KCNK2: variants seen among roughly 807,000 people sequenced by gnomAD.
KCNK2 encodes potassium channel subfamily K member 2.
Under a neutral mutation model 40.5 loss-of-function variants are expected in KCNK2, and 21 were observed. The ratio of observed to expected loss-of-function variants is 0.52; its 90% CI spans 0.37 to 0.75. The LOEUF is 0.75. Among genes scored for constraint, KCNK2 ranks in the 30% least tolerant of loss-of-function variants. The probability of loss-of-function intolerance (pLI) is 0.00; values close to 1 mark genes in which losing one functional copy is unlikely to be tolerated. For missense variants in KCNK2, 399 were observed against 531.6 expected, an observed-to-expected ratio of 0.75 and a Z score of 2.45; for synonymous variants, 191 against 202.2, an observed-to-expected ratio of 0.94 and a Z score of 0.47.
At chr1:215,175,164 G>A (rs1558125459) in intron 5 of KCNK2, among the ~76,000 whole-genome samples, 1 of 152,124 alleles carries the variant, frequency 6.6e-6, no homozygotes, top group Non-Finnish European at 1.5e-5. Flanking sequence ...TTTATTGAGA[G>A]TTTTTAGCAT....
chr1:215,038,432 A>G (rs1244152776), intron 1 of KCNK2, among the ~76,000 whole-genome samples: 1 of 152,108 alleles, frequency 6.6e-6, no homozygotes, highest in Non-Finnish European at 1.5e-5. Context: ...GTGAATGGAG[A>G]TAGTATGTTC....
rs755353413 is a variant in KCNK2, at chr1:215,234,817, G to GT, written c.964-10dup. On this transcript the variant is annotated splice_polypyrimidine_tract_variant and intron_variant, in intron 6 of 6. Transcript: ENST00000444842. ...CAATATCTTTATCTTTTCTCTGCTT[G>GT]TATGTTCCAGGTGGGAGAGTTCAGA... is the stretch of plus-strand genomic sequence containing the variant. 4 of 1,594,884 alleles carry GT rather than the reference G, an allele frequency of 2.5e-6. No homozygotes were observed. The highest frequency in any genetic ancestry group is 4.5e-5 in the East Asian group (2 of 44,410).
chr1:215,077,768 A>G (rs1658998902), upstream of KCNK2, among the ~76,000 whole-genome samples: 1 of 151,858 alleles, frequency 6.6e-6, no homozygotes, highest in South Asian at 2.1e-4. Flanking sequence ...CTTTCTTTCC[A>G]TTATGCTTTT....
chr1:215,104,050 T>G (rs1447495604), intron 2 of KCNK2, among the ~76,000 whole-genome samples: 3 of 152,046 alleles, frequency 2.0e-5, no homozygotes, highest in African/African-American at 7.2e-5. Flanking sequence ...TGACTACATC[T>G]GAAAGGCAGG....
At chr1:215,183,562 A>G (rs2102651298) in intron 5 of KCNK2, among the ~76,000 whole-genome samples, 1 of 152,204 alleles carries the variant, frequency 6.6e-6, no homozygotes, top group East Asian at 1.9e-4. Flanking sequence ...CTTTTTCGCA[A>G]TTATATTTCC....
At chr1:215,174,283 A>G (rs1262757058) in intron 5 of KCNK2, among the ~76,000 whole-genome samples, 1 of 152,102 alleles carries the variant, frequency 6.6e-6, no homozygotes, top group East Asian at 1.9e-4. Context: ...ATAGTTGTAG[A>G]TGTGTGCTAT....
chr1:215,185,688 T>C (rs1335200344), intron 5 of KCNK2, among the ~76,000 whole-genome samples: 1 of 152,198 alleles, frequency 6.6e-6, no homozygotes, highest in African/African-American at 2.4e-5. Context: ...TTTGCTATTT[T>C]GCCAGGGAAA....
At chr1:215,168,670 A>C (rs1341331956) in intron 3 of KCNK2, among the ~76,000 whole-genome samples, 1 of 152,162 alleles carries the variant, frequency 6.6e-6, no homozygotes, top group African/African-American at 2.4e-5. Context: ...ACATGGACAC[A>C]GGGAGGGGAA....
In KCNK2 at chr1:215,161,848, C is replaced by G. The variant is rs559814851; in HGVS notation, c.476-7351C>G. On this transcript the variant is annotated intron_variant, in intron 3 of 6. Transcript: ENST00000444842. ...TCATTGATGGGCATTTGGATTGGTT[C>G]CAAGTCTTTGCTATTGTGAATAGTG... Among the ~76,000 whole-genome samples, 27 of 152,210 alleles carry G rather than the reference C, an allele frequency of 1.8e-4. No individual in the cohort carries two copies. In the South Asian group the frequency reaches 5.2e-3, roughly 29 times the overall value.
chr1:215,168,616 C>T (rs1367090090), intron 3 of KCNK2, among the ~76,000 whole-genome samples: 2 of 152,188 alleles, frequency 1.3e-5, no homozygotes, highest in Non-Finnish European at 2.9e-5. Context: ...GAAAACCAAA[C>T]ACCACATGTT....
intron 1 of KCNK2, among the ~76,000 whole-genome samples, chr1:215,033,321 A>G (rs1261656947): frequency 6.6e-6 from 1 of 151,976 alleles, no homozygotes; most frequent in East Asian, 1.9e-4. Flanking sequence ...ATAATTGTTC[A>G]AATTCCCAAT....
intron 6 of KCNK2, among the ~76,000 whole-genome samples, chr1:215,226,643 A>G (rs369237156): frequency 1.5e-4 from 23 of 152,218 alleles, no homozygotes; most frequent in African/African-American, 5.5e-4. Context: ...TTTAACTTCA[A>G]AGATTGCATT....
intron 5 of KCNK2, among the ~76,000 whole-genome samples, chr1:215,183,046 C>T (rs188024708): frequency 7.2e-5 from 11 of 152,246 alleles, no homozygotes; most frequent in Non-Finnish European, 1.3e-4. Context: ...TTCTCCTCCC[C>T]GGGTTCTGGG....
chr1:215,217,853 A>G (rs1000874336), intron 6 of KCNK2, among the ~76,000 whole-genome samples: 2 of 152,182 alleles, frequency 1.3e-5, no homozygotes, highest in Non-Finnish European at 2.9e-5. Context: ...AGGGTTTTAA[A>G]GTTCTGTTGG....
Position 215,066,754 on chromosome 1 carries a change from T to C in KCNK2, c.35-19614T>C, listed in dbSNP as rs116172207. On this transcript the variant is annotated intron_variant, in intron 1 of 6. Coordinates refer to the KCNK2 transcript ENST00000391895. ...TTTTCTTTGCCTCGGAATCTTCTTT[T>C]ATTTTTTATAACTTCAGGCCAGGTA... Among the ~76,000 whole-genome samples, 690 of 152,318 alleles carry C rather than the reference T, an allele frequency of 4.5e-3. 4 individuals are homozygous for C. The highest frequency in any genetic ancestry group is 0.015 in the African/African-American group (623 of 41,574).
chr1:215,052,740 G>A (rs1658032013), intron 1 of KCNK2, among the ~76,000 whole-genome samples: 1 of 152,146 alleles, frequency 6.6e-6, no homozygotes, highest in South Asian at 2.1e-4. Flanking sequence ...AAGGATTGTA[G>A]ATTCCTAGGT....
chr1:215,011,585 C>G (rs2102470722), intron 1 of KCNK2, among the ~76,000 whole-genome samples: 1 of 152,068 alleles, frequency 6.6e-6, no homozygotes, highest in South Asian at 2.1e-4. Flanking sequence ...AGTCACCATG[C>G]CCGGCCTTGA....
intron 6 of KCNK2, among the ~76,000 whole-genome samples, chr1:215,209,266 A>G (rs1665460626): frequency 8.8e-6 from 1 of 113,340 alleles, no homozygotes; most frequent in African/African-American, 4.1e-5. Context: ...TATATATAAA[A>G]TATATAAATA....
chr1:215,150,483 A>G (rs969426277), intron 3 of KCNK2, among the ~76,000 whole-genome samples: 2 of 152,148 alleles, frequency 1.3e-5, no homozygotes, highest in East Asian at 1.9e-4. Context: ...AAAAATTAGT[A>G]TGCAGCATTT....
Sources: allele counts gnomAD v4.1 joint callset (sites outside exome capture counted in the v4.1 genomes callset), GRCh38; gene constraint gnomAD v4.1.1; transcripts MANE v1.5; gene names NCBI Gene and HGNC (gene_info 2026-07-23, HGNC 2026-07-21).